CNNM1: variants seen among roughly 807,000 people sequenced by gnomAD.
CNNM1 encodes cyclin and CBS domain divalent metal cation transport mediator 1, also known as metal transporter CNNM1.
In CNNM1, 44 loss-of-function variants were observed where a neutral mutation model predicts 78.8. The ratio of observed to expected loss-of-function variants is 0.56; its 90% CI spans 0.44 to 0.72. The LOEUF is 0.72. Among genes scored for constraint, CNNM1 ranks in the 30% least tolerant of loss-of-function variants. CNNM1 has a pLI of 0.00. For synonymous variants in CNNM1, 584 were observed against 581.5 expected (o/e 1.00, Z -0.06); for missense variants, 1,101 against 1,292.2 (o/e 0.85, Z 2.27).
chr10:99,348,035 T>C (rs926999902), intron 1 of CNNM1, among the ~76,000 whole-genome samples: 1 of 59,022 alleles, frequency 1.7e-5, no homozygotes, highest in Non-Finnish European at 3.3e-5. Context: ...TGTGTGTGTG[T>C]GTGTATATAT....
intron 6 of CNNM1, among the ~76,000 whole-genome samples, chr10:99,366,730 C>T (rs965166108): frequency 6.6e-6 from 1 of 152,120 alleles, no homozygotes; most frequent in East Asian, 1.9e-4. Flanking sequence ...TGCAGTGAGC[C>T]AAGATCATGC....
intron 1 of CNNM1, among the ~76,000 whole-genome samples, chr10:99,350,142 A>G (rs1446145058): frequency 1.3e-5 from 2 of 152,210 alleles, no homozygotes; most frequent in Non-Finnish European, 1.5e-5. Flanking sequence ...TACTCCAAGG[A>G]ATACATTTCC....
At position 99,330,014 on chromosome 10, in the gene CNNM1, G is replaced by A; in HGVS notation, c.627G>A (p.Pro209=). The A allele has an allele frequency of 7.0e-7, 1 of 1,420,158 alleles. No homozygotes were observed. Among genetic ancestry groups the A allele is most frequent in the African/African-American group, 1.5e-5 (1 of 66,174 alleles). The allele number at this position is 1,420,158 out of a possible 1,614,324, so 88.0% of individuals were successfully genotyped here. ...GCGGCTTCCTGCTGCGCGTTCGCCC[G>A]CGGTTGTACGGCCCAGGCGGGGACC... ...AAGGFLLRVR[P]RLYGPGGDLL... is the part of the protein sequence containing the mutation. Residue 209 remains proline (P), a synonymous_variant, in exon 1 of 11, where the codon CCG becomes CCA. Transcript: ENST00000356713.
intron 1 of CNNM1, among the ~76,000 whole-genome samples, chr10:99,340,209 T>C (rs1056712726): frequency 6.6e-6 from 1 of 152,206 alleles, no homozygotes; most frequent in African/African-American, 2.4e-5. Context: ...AATGTTGTTA[T>C]GTTCATTTTT....
chr10:99,386,956 A>G (rs1317562777), intron 7 of CNNM1, among the ~76,000 whole-genome samples: 3 of 152,224 alleles, frequency 2.0e-5, no homozygotes, highest in African/African-American at 4.8e-5. Flanking sequence ...ATATTATGCC[A>G]TGTACCATTT....
rs1437480243 is a variant in CNNM1 at position 99,335,243 on chromosome 10, C to A, written c.1573+4283C>A. Among the ~76,000 whole-genome samples, 3 of 152,212 alleles carry A rather than the reference C, an allele frequency of 2.0e-5. No individual in the cohort carries two copies. In the East Asian group the frequency reaches 5.8e-4, roughly 29 times the overall value. Reference sequence around the variant, plus strand: ...TCTTGTCCAATCTTAAACAACTCTGCAGTTACAGGTGATGATATGGGATTT... The same window carrying A: ...TCTTGTCCAATCTTAAACAACTCTGAAGTTACAGGTGATGATATGGGATTT... On this transcript the variant is annotated intron_variant, in intron 1 of 10. Transcript: ENST00000356713.
chr10:99,361,049 A>C lies in CNNM1; in HGVS notation c.1858+74A>C. 4 of 1,438,864 alleles carry C rather than the reference A, an allele frequency of 2.8e-6. No homozygotes were observed. The South Asian group carries it at 5.5e-5, about 20-fold the overall frequency. 89.1% of individuals were successfully genotyped at this position (1,438,864 alleles called of 1,614,324 possible). A position where few individuals can be genotyped will look rare whatever the true frequency, so the allele number is the denominator to read the frequency against. ...GGGACCCAGGCACCAATCGTTGTTA[A>C]TACCTTCCAGCCTGATTCCAGTGTG... On this transcript the variant is annotated intron_variant, in intron 3 of 10. Coordinates refer to ENST00000356713, the MANE Select transcript of CNNM1 (RefSeq NM_020348.3).
chr10:99,379,120 T>C (rs962956389), intron 7 of CNNM1, among the ~76,000 whole-genome samples: 1 of 152,218 alleles, frequency 6.6e-6, no homozygotes, highest in Non-Finnish European at 1.5e-5. Context: ...TTGGTTTTCG[T>C]GTTGGACATG....
chr10:99,355,882 A>C lies in CNNM1; in HGVS notation c.1574-1630A>C, dbSNP rs186716284. Among the ~76,000 whole-genome samples, 41 of 152,306 alleles carry C rather than the reference A, an allele frequency of 2.7e-4. No homozygotes were observed. In the East Asian group the frequency reaches 7.7e-3, roughly 29 times the overall value. Reference sequence around the variant, plus strand: ...AACTATTATTATTCAGTCATCGCGCAATAAAAATGAAGTCTATGAAATCTC... The same window carrying C: ...AACTATTATTATTCAGTCATCGCGCCATAAAAATGAAGTCTATGAAATCTC... On this transcript the variant is annotated intron_variant, in intron 1 of 10. Transcript: ENST00000356713.
chr10:99,353,418 T>A (rs981293562), intron 1 of CNNM1, among the ~76,000 whole-genome samples: 1 of 152,190 alleles, frequency 6.6e-6, no homozygotes, highest in Admixed American at 6.5e-5. Flanking sequence ...ACAGGTAGCT[T>A]CAATAATAAT....
rs544870026 is a variant in CNNM1, at chr10:99,356,337, G to A, written c.1574-1175G>A. Among the ~76,000 whole-genome samples, 41 of 152,046 alleles carry A rather than the reference G, an allele frequency of 2.7e-4. No homozygotes were observed. In the South Asian group the frequency reaches 7.3e-3, roughly 27 times the overall value. On this transcript the variant is annotated intron_variant, in intron 1 of 10. Coordinates refer to ENST00000356713, the MANE Select transcript of CNNM1 (RefSeq NM_020348.3). ...CTAAACATACAAAAATTAGCTGGGC[G>A]TGGTGGTGCTCATCTGTGGTCCCAG... is the stretch of plus-strand genomic sequence containing the variant.
chr10:99,361,468 TC>T (rs1263346227), intron 3 of CNNM1, among the ~76,000 whole-genome samples: 1 of 152,236 alleles, frequency 6.6e-6, no homozygotes, highest in Non-Finnish European at 1.5e-5. Context: ...CCTCTGACCA[TC>T]CATGCCTAAT....
intron 1 of CNNM1, among the ~76,000 whole-genome samples, chr10:99,349,723 G>A (rs1039949572): frequency 3.3e-5 from 5 of 152,120 alleles, no homozygotes; most frequent in South Asian, 2.1e-4. Flanking sequence ...TATCTGGGCC[G>A]GGCGCAGTGG....
At chr10:99,343,648 T>C (rs1274608930) in intron 1 of CNNM1, among the ~76,000 whole-genome samples, 1 of 152,156 alleles carries the variant, frequency 6.6e-6, no homozygotes, top group Non-Finnish European at 1.5e-5. Context: ...AGCACCTTCG[T>C]TGACTAGCTA....
At chr10:99,348,133 C>A (rs2030790563) in intron 1 of CNNM1, among the ~76,000 whole-genome samples, 1 of 151,234 alleles carries the variant, frequency 6.6e-6, no homozygotes, top group South Asian at 2.1e-4. Context: ...GACTCAAATT[C>A]CTAGGCTCAA....
At chr10:99,357,826 C>T (rs1359728051) in intron 2 of CNNM1, among the ~76,000 whole-genome samples, 171 bp downstream of exon 2, 1 of 152,182 alleles carries the variant, frequency 6.6e-6, no homozygotes, top group Non-Finnish European at 1.5e-5. Context: ...GTTGGAATCA[C>T]TTCTGAGTCA....
chr10:99,359,339 T>C (rs2031345125), intron 2 of CNNM1, among the ~76,000 whole-genome samples: 1 of 152,218 alleles, frequency 6.6e-6, no homozygotes, highest in Admixed American at 6.5e-5. Flanking sequence ...ATTTTGCTAC[T>C]CTTTTGCTGA....
At chr10:99,334,829 G>C (rs1473714767) in intron 1 of CNNM1, among the ~76,000 whole-genome samples, 1 of 152,134 alleles carries the variant, frequency 6.6e-6, no homozygotes, top group Non-Finnish European at 1.5e-5. Context: ...AGCACCAACA[G>C]TTCTTCCAGG....
intron 7 of CNNM1, among the ~76,000 whole-genome samples, chr10:99,386,050 G>A (rs925206870): frequency 4.6e-5 from 7 of 152,200 alleles, no homozygotes; most frequent in Non-Finnish European, 7.4e-5. Flanking sequence ...AAAGTCAGGT[G>A]TTTTCAACAA....
Sources: gnomAD v4.1 joint callset for allele counts (sites outside exome capture counted in the v4.1 genomes callset) on GRCh38, gnomAD v4.1.1 for gene constraint, MANE v1.5 for transcripts, NCBI Gene and HGNC (gene_info 2026-07-23, HGNC 2026-07-21) for gene names.